Variants in NOA1 observed in about 807,000 individuals in gnomAD.
NOA1 encodes nitric oxide associated 1, also known as nitric oxide-associated protein 1.
NOA1 carries 35 observed loss-of-function variants against 58.4 expected under a neutral mutation model. The observed-to-expected ratio is 0.60, with a 90% CI of 0.46 to 0.79. The LOEUF is 0.79. Ranked by LOEUF, NOA1 falls within the 30% of genes least tolerant of loss-of-function variation. The pLI is 0.00. For synonymous variants in NOA1, 397 were observed against 373.4 expected, an observed-to-expected ratio of 1.06 and a Z score of -0.73; for missense variants, 895 against 894.6, an observed-to-expected ratio of 1.00 and a Z score of -0.01.
chr4:56,977,313 C>A lies in NOA1; in HGVS notation c.273G>T (p.Leu91=), dbSNP rs374787781. The change falls in exon 1 of 7, where the codon CTG becomes CTT. Residue 91 remains leucine, a synonymous_variant. Coordinates refer to ENST00000264230, the MANE Select transcript of NOA1 (RefSeq NM_032313.4). ...PEPQPTREKQ[L]QELQQQQEEE... is the part of the protein sequence containing the mutation. The stretch of plus-strand genomic sequence containing the variant: ...CCTCCTGCTGTTGCTGGAGCTCCTG[C>A]AGCTGCTTTTCGCGGGTGGGTTGCG... The A allele has an allele frequency of 1.9e-6, 3 of 1,614,054 alleles. No homozygotes were observed. The highest frequency in any genetic ancestry group is 2.5e-6 in the Non-Finnish European group (3 of 1,180,044).
chr4:56,975,108 C>T (rs1721880129), intron 1 of NOA1, among the ~76,000 whole-genome samples: 1 of 151,982 alleles, frequency 6.6e-6, no homozygotes, highest in Non-Finnish European at 1.5e-5. Flanking sequence ...ACTGCCACCT[C>T]AACCTTCCAG....
intron 2 of NOA1, 101 bp from the exon 3 acceptor site, chr4:56,973,454 G>A (rs2109619669): frequency 1.0e-6 from 1 of 983,850 alleles, no homozygotes; most frequent in Non-Finnish European, 1.6e-6. Flanking sequence ...AGATTACAGT[G>A]TAGGGAAGTG....
intron 1 of NOA1, among the ~76,000 whole-genome samples, chr4:56,975,814 T>C (rs1721908699): frequency 6.6e-6 from 1 of 152,140 alleles, no homozygotes; most frequent in Admixed American, 6.5e-5. Context: ...AGGCGGAGGT[T>C]ACAGTGAGCC....
chr4:56,967,886 G>A (rs1721743760), intron 4 of NOA1, among the ~76,000 whole-genome samples: 1 of 151,406 alleles, frequency 6.6e-6, no homozygotes, highest in South Asian at 2.1e-4. Context: ...CTTTTTTGGG[G>A]GGATGAGGGA....
intron 3 of NOA1, among the ~76,000 whole-genome samples, chr4:56,969,630 C>T (rs1398284504): frequency 6.6e-6 from 1 of 151,886 alleles, no homozygotes; most frequent in Admixed American, 6.6e-5. Flanking sequence ...TAGCAGCTCA[C>T]AAAAAAATAA....
chr4:56,965,819 A>G (rs896665318), intron 5 of NOA1, among the ~76,000 whole-genome samples: 1 of 140,072 alleles, frequency 7.1e-6, no homozygotes, highest in African/African-American at 2.6e-5. Flanking sequence ...CTAAGCAACC[A>G]TATTTTAAAT....
At chr4:56,972,290 G>A (rs1161404450) in intron 3 of NOA1, among the ~76,000 whole-genome samples, 1 of 152,168 alleles carries the variant, frequency 6.6e-6, no homozygotes, top group African/African-American at 2.4e-5. Flanking sequence ...CTGGGCCAAT[G>A]AATAGCCTGT....
intron 5 of NOA1, among the ~76,000 whole-genome samples, chr4:56,965,834 C>CATTTTTT (rs1203066922): frequency 1.1e-5 from 1 of 90,636 alleles, no homozygotes; most frequent in South Asian, 3.1e-4. Flanking sequence ...TTAAATTTTC[C>CATTTTTT]CTTTTTTTTT....
At chr4:56,970,047 G>C (rs1056177895) in intron 3 of NOA1, among the ~76,000 whole-genome samples, 6 of 152,140 alleles carry the variant, frequency 3.9e-5, no homozygotes, top group African/African-American at 1.4e-4. Flanking sequence ...GTCTTCCAAA[G>C]TGCTGGGATT....
chr4:56,967,948 C>T (rs1478264579), intron 4 of NOA1, among the ~76,000 whole-genome samples: 3 of 148,248 alleles, frequency 2.0e-5, no homozygotes, highest in African/African-American at 5.0e-5. Context: ...TATGGAGTCT[C>T]GCCCCATCAC....
At position 56,976,592 on chromosome 4, in the gene NOA1, G is replaced by A; in HGVS notation, c.994C>T (p.Gln332Ter). 6.2e-7 allele frequency: 1 copy of A among 1,614,228 alleles called. No individual in the cohort carries two copies. The highest frequency in any genetic ancestry group is 8.5e-7 in the Non-Finnish European group (1 of 1,180,036). Reference protein sequence around the residue: ...YGVEELISALQRSWRYRGDVY... With the variant: ...YGVEELISAL Reference sequence around the variant, plus strand: ...TCCCCACGGTAGCGCCAGGAGCGCTGAAGGGCAGAGATCAACTCTTCCACT... The same window carrying A: ...TCCCCACGGTAGCGCCAGGAGCGCTAAAGGGCAGAGATCAACTCTTCCACT... Residue 332 changes from glutamine (Q) to a stop codon, truncating the protein, a stop_gained, in exon 1 of 7, where the codon CAG becomes TAG. Coordinates refer to ENST00000264230, the MANE Select transcript of NOA1 (RefSeq NM_032313.4). LOFTEE classifies it high-confidence loss of function.
Position 56,977,108 on chromosome 4 carries a change from G to T in NOA1, c.478C>A (p.Pro160Thr), listed in dbSNP as rs1721953529. Residue 160 changes from proline (P) to threonine (T), a missense_variant, in exon 1 of 7, where the codon CCC becomes ACC. Transcript: ENST00000264230. ...CQDAGVPGYL[P>T]REKFLRTAEA... ...GCCGTGCGGAGGAACTTCTCTCGGG[G>T]CAGGTAGCCGGGCACTCCGGCGTCC... 1.9e-6 allele frequency: 3 copies of T among 1,561,714 alleles called. No individual in the cohort carries two copies. The highest frequency in any genetic ancestry group is 2.7e-5 in the African/African-American group (2 of 73,848).
In NOA1 at chr4:56,977,248, C is replaced by T. The variant is rs749839650; in HGVS notation, c.338G>A (p.Arg113Gln). ...GGACCTGGCCCGTAGGTTTTGCTGT[C>T]GCCGCTCCTCCCGCCGCTGCTGCCT... ...RQRQQRREERRQQNLRARSRE... is the reference protein window; with the variant it reads ...RQRQQRREERQQQNLRARSRE... The change falls in exon 1 of 7, where the codon CGA becomes CAA. Residue 113 changes from arginine to glutamine, a missense_variant. Transcript: ENST00000264230. 1.2e-6 allele frequency: 2 copies of T among 1,602,086 alleles called. No individual in the cohort carries two copies. Among genetic ancestry groups the T allele is most frequent in the African/African-American group, 2.7e-5 (2 of 74,784 alleles).
At position 56,977,512 on chromosome 4, in the gene NOA1, TG is replaced by T; in HGVS notation, c.73del (p.His25MetfsTer115). ...LRGSAPTAAR[H>X]GLREPLLERR... ...CTCCAGGAGCGGCTCCCGGAGGCCATGGCGCGCTGCCGTGGGAGCGGATCCA... is the reference window on the plus strand; with the variant it reads ...CTCCAGGAGCGGCTCCCGGAGGCCATGCGCGCTGCCGTGGGAGCGGATCCA... On this transcript the variant is annotated frameshift_variant, in exon 1 of 7. Transcript: ENST00000264230. LOFTEE classifies it high-confidence loss of function. 6.2e-7 allele frequency: 1 copy of T among 1,613,258 alleles called. No homozygotes were observed. The highest frequency in any genetic ancestry group is 8.5e-7 in the Non-Finnish European group (1 of 1,179,826).
chr4:56,969,247 G>C lies in NOA1; in HGVS notation c.1516-732C>G, dbSNP rs956500084. On this transcript the variant is annotated intron_variant, in intron 3 of 6. Coordinates refer to ENST00000264230, the MANE Select transcript of NOA1 (RefSeq NM_032313.4). Reference sequence around the variant, plus strand: ...ATCTGGTTAAAAAAGAATAAAGAAGGTACAAATTGGACACAAAACTTGTAA... The same window carrying C: ...ATCTGGTTAAAAAAGAATAAAGAAGCTACAAATTGGACACAAAACTTGTAA... 2.0e-5 allele frequency among the ~76,000 whole-genome samples: 3 copies of C among 152,154 alleles called. No homozygotes were observed. The South Asian group carries it at 6.2e-4, about 31-fold the overall frequency.
chr4:56,977,341 T>C lies in NOA1; in HGVS notation c.245A>G (p.Glu82Gly), dbSNP rs1354232679. 3 of 1,614,088 alleles carry C rather than the reference T, an allele frequency of 1.9e-6. No homozygotes were observed. ...FLFPEYILDP[E>G]PQPTREKQLQ... The stretch of plus-strand genomic sequence containing the variant: ...CTGCTTTTCGCGGGTGGGTTGCGGC[T>C]CCGGATCCAGGATGTACTCCGGGAA... Residue 82 changes from glutamate (E) to glycine (G), a missense_variant, in exon 1 of 7, where the codon GAG becomes GGG. Glu to Gly is a moderately conservative substitution (Grantham distance 98, BLOSUM62 -2). Transcript: ENST00000264230.
At position 56,966,702 on chromosome 4, in the gene NOA1, G is replaced by A. The variant is rs992724398; in HGVS notation, c.1682C>T (p.Ser561Phe). 12 of 1,613,628 alleles carry A rather than the reference G, an allele frequency of 7.4e-6. No individual in the cohort carries two copies. The highest frequency in any genetic ancestry group is 2.2e-5 in the East Asian group (1 of 44,866). ...NQSAWFTVVA[S>F]NILPVHITSL... ...GGTGATATGCACAGGGAGGATGTTGGAAGCCACGACTGTAAACCAAGCTGA... is the reference window on the plus strand; with the variant it reads ...GGTGATATGCACAGGGAGGATGTTGAAAGCCACGACTGTAAACCAAGCTGA... The change falls in exon 5 of 7, where the codon TCC becomes TTC. Residue 561 changes from serine to phenylalanine, a missense_variant. Physicochemically the swap from Ser to Phe is radical, Grantham distance 155 (BLOSUM62 -2). Around this residue, in one of 3 missense-constraint regions of NOA1, gnomAD observed 212 missense variants for 221.3 expected, o/e 0.96. Coordinates refer to ENST00000264230, the MANE Select transcript of NOA1 (RefSeq NM_032313.4).
At position 56,977,595 on chromosome 4, in the gene NOA1, G is replaced by A. The variant is rs755754617; in HGVS notation, c.-10C>T. ...GGCGAGCGGGCAGCATGAGGAAGTA[G>A]CTCCAAAGGGGCGGAGCCACCAGCG... On this transcript the variant is annotated 5_prime_UTR_variant, in exon 1 of 7. Transcript: ENST00000264230. 1.2e-5 allele frequency: 19 copies of A among 1,554,410 alleles called. No individual in the cohort carries two copies. Among genetic ancestry groups the A allele is most frequent in the Admixed American group, 2.0e-5 (1 of 50,356 alleles).
intron 4 of NOA1, among the ~76,000 whole-genome samples, chr4:56,967,440 A>C (rs1295776464): frequency 6.6e-6 from 1 of 152,042 alleles, no homozygotes; most frequent in African/African-American, 2.4e-5. Context: ...AAAAACCAAC[A>C]ACCTCCCAAA....
Sources: gnomAD v4.1 joint callset for allele counts (sites outside exome capture counted in the v4.1 genomes callset) on GRCh38, gnomAD v4.1.1 for gene constraint, gnomAD v4.1.1 regional missense constraint, MANE v1.5 for transcripts, NCBI Gene and HGNC (gene_info 2026-07-23, HGNC 2026-07-21) for gene names.